PDGFD: variants seen among roughly 807,000 people sequenced by gnomAD.
PDGFD encodes the protein platelet derived growth factor D.
Under a neutral mutation model 44.7 loss-of-function variants are expected in PDGFD, and 30 were observed. The observed-to-expected ratio is 0.67, with a 90% CI of 0.50 to 0.91. PDGFD has a LOEUF of 0.91. Among genes scored for constraint, PDGFD ranks in the 40% least tolerant of loss-of-function variants. PDGFD has a pLI of 0.00. For missense variants in PDGFD, 445 were observed against 457.8 expected (o/e 0.97, Z 0.25); for synonymous variants, 173 against 168.4 (o/e 1.03, Z -0.21).
At chr11:104,033,023 C>G (rs770239685) in intron 1 of PDGFD, among the ~76,000 whole-genome samples, 1 of 150,562 alleles carries the variant, frequency 6.6e-6, no homozygotes. Context: ...TAGGGATTTA[C>G]GGTATAACAA....
intron 1 of PDGFD, among the ~76,000 whole-genome samples, chr11:104,099,722 A>G (rs964998419): frequency 6.6e-6 from 1 of 151,170 alleles, no homozygotes; most frequent in Non-Finnish European, 1.5e-5. Flanking sequence ...TGCCTTGAAA[A>G]TAACTTAAAT....
intron 1 of PDGFD, among the ~76,000 whole-genome samples, chr11:104,151,436 T>C (rs947140209): frequency 6.6e-5 from 10 of 152,160 alleles, no homozygotes; most frequent in Non-Finnish European, 1.0e-4. Flanking sequence ...AGAATTGTTG[T>C]ATATTAATGA....
chr11:104,023,382 A>C (rs1859993354), intron 1 of PDGFD, among the ~76,000 whole-genome samples: 1 of 152,130 alleles, frequency 6.6e-6, no homozygotes, highest in Non-Finnish European at 1.5e-5. Flanking sequence ...AATTAAGGTG[A>C]GGTATCTGCC....
chr11:104,069,559 G>C (rs1019812538), intron 1 of PDGFD, among the ~76,000 whole-genome samples: 1 of 152,248 alleles, frequency 6.6e-6, no homozygotes, highest in East Asian at 1.9e-4. Flanking sequence ...TTATTAATAT[G>C]ATGGCTAAAA....
intron 3 of PDGFD, among the ~76,000 whole-genome samples, chr11:103,956,782 T>C (rs1172272484): frequency 2.0e-5 from 3 of 152,282 alleles, no homozygotes; most frequent in East Asian, 3.9e-4. Context: ...TATCTCATTG[T>C]GGTTTTGATT....
intron 1 of PDGFD, among the ~76,000 whole-genome samples, chr11:104,149,632 G>A (rs921241538): frequency 6.6e-6 from 1 of 152,090 alleles, no homozygotes; most frequent in African/African-American, 2.4e-5. Context: ...TTGTTGTAGT[G>A]CACTTGTATG....
chr11:103,968,559 A>C (rs1190589805), intron 3 of PDGFD, among the ~76,000 whole-genome samples: 1 of 152,140 alleles, frequency 6.6e-6, no homozygotes, highest in South Asian at 2.1e-4. Flanking sequence ...TTAATCTCTA[A>C]ATCCTTCAGG....
intron 1 of PDGFD, among the ~76,000 whole-genome samples, chr11:104,069,729 C>T (rs903245765): frequency 7.9e-5 from 12 of 152,170 alleles, no homozygotes; most frequent in African/African-American, 2.6e-4. Flanking sequence ...GCGTGTTGGC[C>T]GGTGCCTGTA....
chr11:104,049,512 G>T (rs777416174), intron 1 of PDGFD, among the ~76,000 whole-genome samples: 13 of 152,010 alleles, frequency 8.6e-5, no homozygotes, highest in Non-Finnish European at 4.4e-5. Flanking sequence ...TTTAAGCAAA[G>T]GAAAGACATT....
intron 1 of PDGFD, among the ~76,000 whole-genome samples, chr11:104,129,314 T>A (rs1591178991): frequency 6.6e-6 from 1 of 151,872 alleles, no homozygotes; most frequent in African/African-American, 2.4e-5. Flanking sequence ...TGGAGAGTGG[T>A]TTAATGATGA....
chr11:104,000,104 C>T lies in PDGFD; in HGVS notation c.276G>A (p.Gln92=), dbSNP rs769735499. Residue 92 remains glutamine, a synonymous_variant, in exon 2 of 7, where the codon CAG becomes CAA. Transcript: ENST00000393158. ...ATCCAAACTGATTGTCAAACACTAG[C>T]TGTATCCGTGTATTCTCCTGAGAGT... ...RLHSQENTRI[Q]LVFDNQFGLE... 1.9e-6 allele frequency: 3 copies of T among 1,613,956 alleles called. No individual in the cohort carries two copies. In the Admixed American group the frequency reaches 5.0e-5, roughly 27 times the overall value.
chr11:104,045,783 G>A lies in PDGFD; in HGVS notation c.125-45528C>T, dbSNP rs191683720. 4.1e-5 allele frequency among the ~76,000 whole-genome samples: 6 copies of A among 147,076 alleles called. 2 individuals carry two copies. The highest frequency in any genetic ancestry group is 3.4e-4 in the Admixed American group (5 of 14,622). On this transcript the variant is annotated intron_variant, in intron 1 of 6. Coordinates refer to ENST00000393158, the MANE Select transcript of PDGFD (RefSeq NM_025208.5). ...TCATGGAGCTATTGAAGGTCAAGAC[G>A]CAATGAACAGAATGTAAGGTAGGAC...
chr11:104,047,147 G>A (rs1860455572), intron 1 of PDGFD, among the ~76,000 whole-genome samples: 1 of 147,294 alleles, frequency 6.8e-6, no homozygotes, highest in South Asian at 2.3e-4. Context: ...TCATTGATGG[G>A]CATTTGGGTT....
At chr11:104,103,323 T>A (rs1396104308) in intron 1 of PDGFD, among the ~76,000 whole-genome samples, 4 of 151,906 alleles carry the variant, frequency 2.6e-5, no homozygotes, top group African/African-American at 9.7e-5. Context: ...TGTTTTTTCC[T>A]CAGTCTCCTC....
intron 1 of PDGFD, among the ~76,000 whole-genome samples, chr11:104,087,126 A>G (rs1039247188): frequency 6.7e-6 from 1 of 148,718 alleles, no homozygotes; most frequent in Non-Finnish European, 1.5e-5. Context: ...CCCAGGTTCA[A>G]GAAGTGATTC....
chr11:103,943,088 G>C (rs1858611651), intron 5 of PDGFD, among the ~76,000 whole-genome samples: 1 of 152,120 alleles, frequency 6.6e-6, no homozygotes, highest in South Asian at 2.1e-4. Flanking sequence ...TGTGAAACAT[G>C]ACAATGGACT....
At position 104,000,106 on chromosome 11, in the gene PDGFD, G is replaced by T. The variant is rs773389949; in HGVS notation, c.274C>A (p.Gln92Lys). The change falls in exon 2 of 7, where the codon CAG becomes AAG. Residue 92 changes from glutamine (Q) to lysine (K), a missense_variant. Transcript: ENST00000393158. ...RLHSQENTRI[Q>K]LVFDNQFGLE... Reference sequence around the variant, plus strand: ...CCAAACTGATTGTCAAACACTAGCTGTATCCGTGTATTCTCCTGAGAGTGA... The same window carrying T: ...CCAAACTGATTGTCAAACACTAGCTTTATCCGTGTATTCTCCTGAGAGTGA... The T allele has an allele frequency of 6.2e-7, 1 of 1,613,968 alleles. No homozygotes were observed. The highest frequency in any genetic ancestry group is 1.1e-5 in the South Asian group (1 of 91,074).
intron 1 of PDGFD, among the ~76,000 whole-genome samples, chr11:104,160,124 A>G (rs780847766): frequency 1.3e-4 from 20 of 152,204 alleles, no homozygotes; most frequent in Non-Finnish European, 2.1e-4. Context: ...GTGTGCTATC[A>G]TCAACGATGA....
In PDGFD at chr11:104,025,360, T is replaced by C. The variant is rs542877381; in HGVS notation, c.125-25105A>G. 2.8e-4 allele frequency among the ~76,000 whole-genome samples: 43 copies of C among 152,298 alleles called. 1 individual carries two copies. The highest frequency in any genetic ancestry group is 9.1e-4 in the African/African-American group (38 of 41,566). ...CAAATCCACTGTGTCTAGCTTTCCG[T>C]CAAATCTACATGAATTGTTTGACAC... On this transcript the variant is annotated intron_variant, in intron 1 of 6. Transcript: ENST00000393158.
Sources: gnomAD v4.1 joint callset for allele counts (sites outside exome capture counted in the v4.1 genomes callset) on GRCh38, gnomAD v4.1.1 for gene constraint, MANE v1.5 for transcripts, NCBI Gene and HGNC (gene_info 2026-07-23, HGNC 2026-07-21) for gene names.